Variants in NLRP14 observed in about 807,000 individuals in gnomAD.
The protein encoded by NLRP14 is NACHT, LRR and PYD domains-containing protein 14.
A neutral mutation model predicts 94.7 loss-of-function variants in NLRP14; 105 were observed. The observed-to-expected ratio is 1.11, with a 90% CI of 0.95 to 1.30. NLRP14 has a LOEUF of 1.30. Among genes scored for constraint, NLRP14 ranks in the 50% most tolerant of loss-of-function variants. The pLI is 0.00. For missense variants in NLRP14, 1,362 were observed against 1,254.1 expected (o/e 1.09, Z -1.30); for synonymous variants, 508 against 459.9 (o/e 1.10, Z -1.34).
At chr11:7,020,950 T>C (rs1044656035) in intron 1 of NLRP14, among the ~76,000 whole-genome samples, 180 bp downstream of exon 1, 1 of 152,232 alleles carries the variant, frequency 6.6e-6, no homozygotes, top group African/African-American at 2.4e-5. Context: ...CCCTCCTCAG[T>C]GTCCTGGGAC....
intron 2 of NLRP14, 88 bp downstream of exon 2, chr11:7,038,963 G>A: frequency 7.7e-7 from 1 of 1,296,748 alleles, no homozygotes; most frequent in Non-Finnish European, 1.1e-6. Context: ...GAGGGATTTA[G>A]GGATTAAACC....
In NLRP14 at chr11:7,046,663, CA is replaced by C; in HGVS notation, c.1959-2del. 2 of 1,611,728 alleles carry C rather than the reference CA, an allele frequency of 1.2e-6. No individual in the cohort carries two copies. On this transcript the variant is annotated splice_region_variant and splice_polypyrimidine_tract_variant and intron_variant, in intron 4 of 11. Coordinates refer to ENST00000299481, the MANE Select transcript of NLRP14 (RefSeq NM_176822.4). ...GTTTTTCTTTTCTCAATTATTTATG[CA>C]AAGGGATGGTGATCGCATTACTCAC...
At chr11:7,064,627 G>C (rs566423027) in intron 10 of NLRP14, among the ~76,000 whole-genome samples, 1 of 152,036 alleles carries the variant, frequency 6.6e-6, no homozygotes, top group Non-Finnish European at 1.5e-5. Flanking sequence ...CTTTGGTCTG[G>C]AGGAATCATA....
intron 6 of NLRP14, among the ~76,000 whole-genome samples, chr11:7,055,518 A>T (rs1365413326): frequency 2.0e-5 from 3 of 152,102 alleles, no homozygotes; most frequent in African/African-American, 7.2e-5. Flanking sequence ...AGTTCCTGGG[A>T]GTTCATCTTC....
At chr11:7,049,090 G>C (rs1326056397) in intron 5 of NLRP14, among the ~76,000 whole-genome samples, 1 of 152,104 alleles carries the variant, frequency 6.6e-6, no homozygotes, top group African/African-American at 2.4e-5. Flanking sequence ...TGAACAGAAG[G>C]GCATTGGGGA....
In NLRP14 at chr11:7,020,546, TAGG is replaced by T. The variant is rs1400806427; in HGVS notation, c.-243_-241del. 6.6e-6 allele frequency: 1 copy of T among 152,342 alleles called. No homozygotes were observed. The highest frequency in any genetic ancestry group is 2.4e-5 in the African/African-American group (1 of 41,556). The allele number at this position is 152,342 out of a possible 1,614,324, so 9.4% of individuals were successfully genotyped here. A position where few individuals can be genotyped will look rare whatever the true frequency, so the allele number is the denominator to read the frequency against. ...CGAGGACGCACCAGCATTAATGGAA[TAGG>T]AGAACTCCCGAAGCTTTTAGGGCCC... On this transcript the variant is annotated 5_prime_UTR_variant, in exon 1 of 12. Transcript: ENST00000299481.
intron 1 of NLRP14, among the ~76,000 whole-genome samples, chr11:7,031,955 C>T (rs1195151768): frequency 6.6e-6 from 1 of 152,186 alleles, no homozygotes; most frequent in African/African-American, 2.4e-5. Flanking sequence ...AGTGCTTTAG[C>T]ACCCCCACTC....
At chr11:7,075,467 T>C (rs1189391615), downstream of NLRP14, among the ~76,000 whole-genome samples, 1 of 152,220 alleles carries the variant, frequency 6.6e-6, no homozygotes, top group African/African-American at 2.4e-5. Context: ...TTTAATAAAA[T>C]TCAGTCTCTT....
chr11:7,030,389 C>T (rs1852073253), intron 1 of NLRP14, among the ~76,000 whole-genome samples: 1 of 152,176 alleles, frequency 6.6e-6, no homozygotes, highest in Non-Finnish European at 1.5e-5. Flanking sequence ...AGGGTCTCTG[C>T]ACTTGCTATT....
At chr11:7,070,203 C>A in intron 10 of NLRP14, 83 bp from the exon 11 acceptor site, 1 of 967,538 alleles carries the variant, frequency 1.0e-6, no homozygotes, top group Non-Finnish European at 1.6e-6. Flanking sequence ...AATTATCCTC[C>A]ATTCTGAGTT....
intron 6 of NLRP14, among the ~76,000 whole-genome samples, chr11:7,053,070 C>A (rs934371018): frequency 2.0e-5 from 3 of 152,054 alleles, no homozygotes; most frequent in Non-Finnish European, 2.9e-5. Flanking sequence ...ACTTTTTGAA[C>A]AGAAATAATA....
intron 6 of NLRP14, among the ~76,000 whole-genome samples, chr11:7,054,369 T>C (rs972470224): frequency 2.6e-5 from 4 of 152,168 alleles, no homozygotes; most frequent in African/African-American, 7.2e-5. Context: ...TTTGGTTTTT[T>C]TGAGGAACCT....
chr11:7,052,024 C>A (rs1852448100), intron 6 of NLRP14, among the ~76,000 whole-genome samples: 1 of 152,118 alleles, frequency 6.6e-6, no homozygotes, highest in Admixed American at 6.5e-5. Context: ...TAATTTTTTT[C>A]CACATTATAG....
At chr11:7,073,945 T>A, downstream of NLRP14, among the ~76,000 whole-genome samples, 2 of 152,152 alleles carry the variant, frequency 1.3e-5, 1 homozygote. Context: ...CAGCATCCCC[T>A]TGCTTCTTTG....
downstream of NLRP14, among the ~76,000 whole-genome samples, chr11:7,073,126 A>C (rs76356612): frequency 0.037 from 5,624 of 152,266 alleles, 136 homozygotes; most frequent in Non-Finnish European, 0.055. Flanking sequence ...TGAAAGGGCC[A>C]AGAGGAAGCT....
rs565900477 is a variant in NLRP14, at chr11:7,064,192, G to A, written c.2975+1689G>A. ...CAAGAGAAGCTTGCAGATTTGTATC[G>A]AATTGAAACAAGGTTGTGCTAGTGA... On this transcript the variant is annotated intron_variant, in intron 10 of 11. Coordinates refer to ENST00000299481, the MANE Select transcript of NLRP14 (RefSeq NM_176822.4). Among the ~76,000 whole-genome samples, 75 of 152,198 alleles carry A rather than the reference G, an allele frequency of 4.9e-4. No homozygotes were observed. The East Asian group carries it at 0.01, about 20-fold the overall frequency.
chr11:7,066,414 G>A (rs1852707925), intron 10 of NLRP14, among the ~76,000 whole-genome samples: 1 of 152,198 alleles, frequency 6.6e-6, no homozygotes. Flanking sequence ...ACTGGCATGA[G>A]ATGGTATCTC....
chr11:7,041,206 G>C (rs181641182), intron 3 of NLRP14, among the ~76,000 whole-genome samples: 11 of 151,976 alleles, frequency 7.2e-5, no homozygotes, highest in African/African-American at 2.7e-4. Flanking sequence ...CGCTTTTTGG[G>C]ATTTTTTAGT....
chr11:7,054,657 C>T (rs987364881), intron 6 of NLRP14, among the ~76,000 whole-genome samples: 5 of 151,796 alleles, frequency 3.3e-5, no homozygotes, highest in Non-Finnish European at 7.4e-5. Context: ...AGATTTTTTT[C>T]CTGTAGTGTT....
Sources: allele counts gnomAD v4.1 joint callset (sites outside exome capture counted in the v4.1 genomes callset), GRCh38; gene constraint gnomAD v4.1.1; transcripts MANE v1.5; gene names NCBI Gene and HGNC (gene_info 2026-07-23, HGNC 2026-07-21).